HERC6: variants seen among roughly 807,000 people sequenced by gnomAD.
The protein encoded by HERC6 is HECT and RLD domain containing E3 ubiquitin protein ligase family member 6.
A neutral mutation model predicts 114.5 loss-of-function variants in HERC6; 101 were observed. The ratio of observed to expected loss-of-function variants is 0.88; its 90% CI spans 0.75 to 1.04. HERC6 has a LOEUF of 1.04. Ranked by LOEUF, HERC6 falls within the 50% of genes least tolerant of loss-of-function variation. HERC6 has a pLI of 0.00. For missense variants in HERC6, 1,133 were observed against 1,230.9 expected, an observed-to-expected ratio of 0.92 and a Z score of 1.19; for synonymous variants, 408 against 436.2, an observed-to-expected ratio of 0.94 and a Z score of 0.81.
intron 10 of HERC6, among the ~76,000 whole-genome samples, chr4:88,408,181 T>C (rs1735899639): frequency 6.6e-6 from 1 of 151,724 alleles, no homozygotes; most frequent in African/African-American, 2.4e-5. Flanking sequence ...ATATGAATGG[T>C]AAGGAGGGTG....
intron 8 of HERC6, among the ~76,000 whole-genome samples, chr4:88,403,777 A>C (rs1266543334): frequency 1.3e-5 from 2 of 151,932 alleles, no homozygotes; most frequent in Non-Finnish European, 2.9e-5. Flanking sequence ...ATAAAATAAA[A>C]ATAAAAAAAA....
At chr4:88,397,236 C>T (rs1232307190) in intron 7 of HERC6, among the ~76,000 whole-genome samples, 1 of 151,870 alleles carries the variant, frequency 6.6e-6, no homozygotes, top group Non-Finnish European at 1.5e-5. Context: ...CCTCAGCCTC[C>T]TGAGTAGCTG....
intron 3 of HERC6, among the ~76,000 whole-genome samples, chr4:88,387,264 G>A (rs1184155399): frequency 6.6e-6 from 1 of 152,158 alleles, no homozygotes; most frequent in Non-Finnish European, 1.5e-5. Flanking sequence ...GGGCATGGTG[G>A]TATGCACCTG....
At chr4:88,423,702 A>C (rs1737304327) in intron 13 of HERC6, among the ~76,000 whole-genome samples, 158 bp from the exon 14 acceptor site, 1 of 152,220 alleles carries the variant, frequency 6.6e-6, no homozygotes, top group Non-Finnish European at 1.5e-5. Context: ...CAGAAAATGG[A>C]AACTTTATAG....
chr4:88,408,751 G>A (rs1735936843), intron 11 of HERC6, 134 bp downstream of exon 11: 1 of 656,002 alleles, frequency 1.5e-6, no homozygotes, highest in Non-Finnish European at 2.7e-6. Context: ...AACAAAAATC[G>A]ACCCACTGAG....
At chr4:88,388,076 T>A (rs1296075930) in intron 3 of HERC6, among the ~76,000 whole-genome samples, 1 of 152,240 alleles carries the variant, frequency 6.6e-6, no homozygotes, top group Non-Finnish European at 1.5e-5. Flanking sequence ...TATTAAAAAA[T>A]CTCTGAGATA....
At chr4:88,403,614 C>T (rs1735659222) in intron 8 of HERC6, among the ~76,000 whole-genome samples, 1 of 151,940 alleles carries the variant, frequency 6.6e-6, no homozygotes, top group Non-Finnish European at 1.5e-5. Flanking sequence ...ATTAGCTGGG[C>T]ACAGTGGCAG....
chr4:88,406,962 T>A (rs1042149561), intron 10 of HERC6, among the ~76,000 whole-genome samples: 1 of 152,166 alleles, frequency 6.6e-6, no homozygotes, highest in African/African-American at 2.4e-5. Flanking sequence ...TTTCACCATG[T>A]TGACCAGGCT....
chr4:88,425,802 T>G (rs1737548045), intron 15 of HERC6, among the ~76,000 whole-genome samples: 2 of 152,286 alleles, frequency 1.3e-5, no homozygotes, highest in Admixed American at 1.3e-4. Flanking sequence ...AACTTTTTTT[T>G]TATTGCTGAG....
chr4:88,397,000 C>A lies in HERC6; in HGVS notation c.1024+13C>A. The A allele has an allele frequency of 6.2e-7, 1 of 1,604,092 alleles. No homozygotes were observed. The highest frequency in any genetic ancestry group is 8.5e-7 in the Non-Finnish European group (1 of 1,174,402). The stretch of plus-strand genomic sequence containing the variant: ...ATTTCTGCTGAAGGTGTGAATCCCA[C>A]TAATTCATGATTTTGTGTTCATCAA... On this transcript the variant is annotated intron_variant, in intron 7 of 22. Transcript: ENST00000264346.
intron 15 of HERC6, among the ~76,000 whole-genome samples, chr4:88,428,151 C>T (rs757442101): frequency 6.6e-6 from 1 of 152,198 alleles, no homozygotes; most frequent in Non-Finnish European, 1.5e-5. Flanking sequence ...CTTTTTCCTA[C>T]AGCTCACATT....
At chr4:88,430,785 G>A (rs1398875368) in intron 16 of HERC6, among the ~76,000 whole-genome samples, 1 of 152,098 alleles carries the variant, frequency 6.6e-6, no homozygotes, top group Non-Finnish European at 1.5e-5. Flanking sequence ...AGCCAAGGTT[G>A]TGAAGTCTGA....
intron 18 of HERC6, 47 bp downstream of exon 18, chr4:88,435,938 G>A: frequency 7.2e-7 from 1 of 1,397,692 alleles, no homozygotes; most frequent in Admixed American, 2.3e-5. Context: ...GTAAGTCTCA[G>A]TTGTTTAGGC....
intron 8 of HERC6, among the ~76,000 whole-genome samples, chr4:88,401,973 T>G (rs1046384348): frequency 5.9e-5 from 9 of 152,192 alleles, no homozygotes; most frequent in Admixed American, 4.6e-4. Context: ...AGATGGAACT[T>G]TGCTAGGTAA....
chr4:88,428,050 C>T (rs778157186), intron 15 of HERC6, among the ~76,000 whole-genome samples: 53 of 152,154 alleles, frequency 3.5e-4, no homozygotes, highest in Non-Finnish European at 6.5e-4. Flanking sequence ...AATGAGGCCA[C>T]CTGTGGCATA....
At chr4:88,417,333 A>G (rs542939901) in intron 12 of HERC6, 92 bp from the exon 13 acceptor site, 1 of 1,113,952 alleles carries the variant, frequency 9.0e-7, no homozygotes, top group African/African-American at 1.6e-5. Flanking sequence ...GTAAAATATT[A>G]TCTATTTCTT....
intron 22 of HERC6, among the ~76,000 whole-genome samples, chr4:88,441,205 ACTAT>A (rs1739314650): frequency 6.6e-6 from 1 of 152,158 alleles, no homozygotes; most frequent in African/African-American, 2.4e-5. Flanking sequence ...AATGATGCCA[ACTAT>A]CTGTTTTATA....
intron 7 of HERC6, among the ~76,000 whole-genome samples, chr4:88,397,198 C>T (rs1430895967): frequency 2.0e-5 from 3 of 151,816 alleles, no homozygotes; most frequent in South Asian, 2.1e-4. Context: ...CCATAACCTC[C>T]GCCTCCTGGG....
Position 88,417,526 on chromosome 4 carries a change from C to T in HERC6, c.1660C>T (p.Gln554Ter). The change falls in exon 13 of 23, where the codon CAG (glutamine) becomes TAG (stop). Residue 554 changes from glutamine to a stop codon, truncating the protein, a stop_gained. Transcript: ENST00000264346. LOFTEE classifies it high-confidence loss of function. ...GCTGCTTCATCAGACTAAAACCGAA[C>T]AGGATCACTGTAATGTTAAAGCTCT... Reference protein sequence around the residue: ...SQLLHQTKTEQDHCNVKALLG... With the variant: ...SQLLHQTKTE The T allele has an allele frequency of 6.2e-7, 1 of 1,612,916 alleles. No homozygotes were observed.
Sources: allele counts gnomAD v4.1 joint callset (sites outside exome capture counted in the v4.1 genomes callset), GRCh38; gene constraint gnomAD v4.1.1; transcripts MANE v1.5; gene names NCBI Gene and HGNC (gene_info 2026-07-23, HGNC 2026-07-21).